ADAMTSL1: variants seen among roughly 807,000 people sequenced by gnomAD.
ADAMTSL1 encodes ADAMTS-like protein 1.
ADAMTSL1 carries 126 observed loss-of-function variants against 201.8 expected under a neutral mutation model. The ratio of observed to expected loss-of-function variants is 0.62; its 90% CI spans 0.54 to 0.72. ADAMTSL1 has a LOEUF of 0.72. Ranked by LOEUF, ADAMTSL1 falls within the 30% of genes least tolerant of loss-of-function variation. The probability of loss-of-function intolerance (pLI) is 0.00; values close to 1 mark genes in which losing one functional copy is unlikely to be tolerated. For synonymous variants in ADAMTSL1, 1,121 were observed against 903.4 expected (o/e 1.24, Z -4.32); for missense variants, 2,679 against 2,277.8 (o/e 1.18, Z -3.59).
intron 1 of ADAMTSL1, among the ~76,000 whole-genome samples, chr9:18,079,973 G>C (rs754937271): frequency 6.6e-6 from 1 of 152,076 alleles, no homozygotes; most frequent in Non-Finnish European, 1.5e-5. Flanking sequence ...AAGAATTGTG[G>C]GAGTGCTTGA....
At chr9:18,297,522 A>G (rs1397231341) in intron 2 of ADAMTSL1, among the ~76,000 whole-genome samples, 1 of 152,184 alleles carries the variant, frequency 6.6e-6, no homozygotes, top group Non-Finnish European at 1.5e-5. Flanking sequence ...ATGAACTGCA[A>G]GTTGCCACAC....
intron 2 of ADAMTSL1, among the ~76,000 whole-genome samples, chr9:18,212,526 G>A (rs1241904693): frequency 6.6e-6 from 1 of 152,212 alleles, no homozygotes; most frequent in Admixed American, 6.5e-5. Context: ...TGGTCTTGGA[G>A]AAGACTGGAT....
Position 18,622,369 on chromosome 9 carries a change from T to C in ADAMTSL1, c.601T>C (p.Ser201Pro). 8 of 1,614,022 alleles carry C rather than the reference T, an allele frequency of 5.0e-6. No individual in the cohort carries two copies. The highest frequency in any genetic ancestry group is 6.8e-6 in the Non-Finnish European group (8 of 1,179,942). The change falls in exon 5 of 29, where the codon TCG becomes CCG. Residue 201 changes from serine (S) to proline (P), a missense_variant and splice_region_variant. Physicochemically the swap from Ser to Pro is moderately conservative, Grantham distance 74. Transcript: ENST00000380548. The part of the protein sequence containing the change: ...QYKSQLSATK[S>P]DDTVVAIPYG... ...TAAATCCCAGCTCTCCGCAACCAAATGTAAGACACACAGAGATGGGCGACC... is the reference window on the plus strand; with the variant it reads ...TAAATCCCAGCTCTCCGCAACCAAACGTAAGACACACAGAGATGGGCGACC...
At chr9:18,866,233 T>TTCAC (rs1827534701) in intron 23 of ADAMTSL1, among the ~76,000 whole-genome samples, 1 of 152,038 alleles carries the variant, frequency 6.6e-6, no homozygotes, top group Admixed American at 6.6e-5. Context: ...TGGATAATTA[T>TTCAC]TCACTGGGAA....
chr9:18,253,602 T>G (rs974764733), intron 2 of ADAMTSL1, among the ~76,000 whole-genome samples: 1 of 152,174 alleles, frequency 6.6e-6, no homozygotes, highest in Non-Finnish European at 1.5e-5. Context: ...TGTATATCTC[T>G]CACTGCTCTG....
At chr9:18,628,626 A>AT (rs1277257382) in intron 5 of ADAMTSL1, among the ~76,000 whole-genome samples, 2 of 151,940 alleles carry the variant, frequency 1.3e-5, no homozygotes, top group East Asian at 1.9e-4. Context: ...TCTTGCTGGG[A>AT]TTTTTTTGTG....
intron 1 of ADAMTSL1, among the ~76,000 whole-genome samples, chr9:18,005,776 A>G (rs551041813): frequency 6.6e-6 from 1 of 152,138 alleles, no homozygotes; most frequent in African/African-American, 2.4e-5. Flanking sequence ...TCTTTGGCAC[A>G]TCACCTAGCC....
At chr9:18,546,839 A>C (rs1820499444) in intron 3 of ADAMTSL1, among the ~76,000 whole-genome samples, 1 of 152,182 alleles carries the variant, frequency 6.6e-6, no homozygotes, top group African/African-American at 2.4e-5. Context: ...ATTCAAAACA[A>C]GTCTGCTTTT....
chr9:18,593,167 A>G (rs537006417), intron 4 of ADAMTSL1, among the ~76,000 whole-genome samples: 7 of 152,216 alleles, frequency 4.6e-5, no homozygotes, highest in Non-Finnish European at 7.4e-5. Flanking sequence ...GCAAACAAGG[A>G]TAATTTGACT....
At position 18,285,773 on chromosome 9, in the gene ADAMTSL1, A is replaced by T. The variant is rs1832968414; in HGVS notation, c.207+121792A>T. Among the ~76,000 whole-genome samples the T allele has an allele frequency of 4.6e-5, 7 of 152,024 alleles. 1 individual carries two copies. Among genetic ancestry groups the T allele is most frequent in the Admixed American group, 3.9e-4 (6 of 15,252 alleles). ...TATTTTTACCTTTGATATTGTGCTT[A>T]TGGCTTCTCCAATATTAGAATTTTT... On this transcript the variant is annotated intron_variant, in intron 2 of 29. Transcript: ENST00000680146.
intron 2 of ADAMTSL1, among the ~76,000 whole-genome samples, chr9:18,241,705 A>T (rs1325442001): frequency 6.6e-6 from 1 of 152,182 alleles, no homozygotes; most frequent in African/African-American, 2.4e-5. Flanking sequence ...CAGATGCCTT[A>T]GAAATAAAAA....
chr9:18,711,701 G>T (rs1314330060), intron 14 of ADAMTSL1, among the ~76,000 whole-genome samples: 6 of 152,246 alleles, frequency 3.9e-5, no homozygotes, highest in Admixed American at 6.5e-5. Context: ...GGCTTGCTTA[G>T]GTAAACAAAG....
At chr9:18,738,472 A>C (rs1818641577) in intron 15 of ADAMTSL1, among the ~76,000 whole-genome samples, 2 of 152,226 alleles carry the variant, frequency 1.3e-5, no homozygotes, top group African/African-American at 4.8e-5. Flanking sequence ...CTAGTAATTT[A>C]GTATAAAGGA....
intron 4 of ADAMTSL1, among the ~76,000 whole-genome samples, chr9:18,581,404 G>A (rs950770210): frequency 6.6e-6 from 1 of 152,126 alleles, no homozygotes; most frequent in African/African-American, 2.4e-5. Flanking sequence ...TTTTGGGGGA[G>A]ACACAATTCA....
chr9:18,367,259 C>T (rs1038398172), intron 2 of ADAMTSL1, among the ~76,000 whole-genome samples: 4 of 152,130 alleles, frequency 2.6e-5, no homozygotes, highest in Non-Finnish European at 5.9e-5. Flanking sequence ...ATCTAAGATA[C>T]AATTCCCAGG....
At chr9:17,994,709 G>C (rs187341835) in intron 1 of ADAMTSL1, among the ~76,000 whole-genome samples, 1 of 152,280 alleles carries the variant, frequency 6.6e-6, no homozygotes, top group East Asian at 1.9e-4. Flanking sequence ...TAGGATCAAG[G>C]TTCAGAATAA....
At chr9:18,591,914 A>AGAGTTCAGGT (rs1823939549) in intron 4 of ADAMTSL1, among the ~76,000 whole-genome samples, 2 of 152,192 alleles carry the variant, frequency 1.3e-5, no homozygotes, top group Admixed American at 6.5e-5. Context: ...GCAGTTGGCA[A>AGAGTTCAGGT]GAGTTCAGGT....
At chr9:18,241,736 T>A (rs958079137) in intron 2 of ADAMTSL1, among the ~76,000 whole-genome samples, 14 of 152,088 alleles carry the variant, frequency 9.2e-5, no homozygotes, top group African/African-American at 3.1e-4. Flanking sequence ...GGGATTATTA[T>A]GAGCAGTTAT....
chr9:18,023,876 A>G (rs938246990), intron 1 of ADAMTSL1, among the ~76,000 whole-genome samples: 6 of 152,074 alleles, frequency 3.9e-5, no homozygotes, highest in Non-Finnish European at 2.9e-5. Context: ...TTTGATAACA[A>G]TTGCTAAAAA....
Sources: gnomAD v4.1 joint callset for allele counts (sites outside exome capture counted in the v4.1 genomes callset) on GRCh38, gnomAD v4.1.1 for gene constraint, MANE v1.5 for transcripts, NCBI Gene and HGNC (gene_info 2026-07-23, HGNC 2026-07-21) for gene names.